The following SMIM14 variants were observed in gnomAD, a reference collection of about 807,000 sequenced individuals.
SMIM14 encodes chromosome 4 open reading frame 34.
Under a neutral mutation model 12.6 loss-of-function variants are expected in SMIM14, and 5 were observed. The observed-to-expected ratio is 0.40, with a 90% CI of 0.21 to 0.83. SMIM14 has a LOEUF of 0.83. Ranked by LOEUF, SMIM14 falls within the 40% of genes least tolerant of loss-of-function variation. The pLI is 0.37. For synonymous variants in SMIM14, 30 were observed against 40.1 expected (o/e 0.75, Z 0.95); for missense variants, 86 against 119.1 (o/e 0.72, Z 1.29).
chr4:39,616,223 C>T (rs948576320), intron 1 of SMIM14, among the ~76,000 whole-genome samples: 4 of 152,184 alleles, frequency 2.6e-5, no homozygotes, highest in African/African-American at 9.7e-5. Flanking sequence ...GCAACCTCCA[C>T]CTCCTGGGTT....
intron 3 of SMIM14, among the ~76,000 whole-genome samples, chr4:39,566,624 G>A (rs901749035): frequency 6.6e-6 from 1 of 151,724 alleles, no homozygotes; most frequent in Non-Finnish European, 1.5e-5. Flanking sequence ...CCTGAGGTCA[G>A]GAGTTCAAGA....
At chr4:39,556,376 A>G in intron 4 of SMIM14, 52 bp downstream of exon 4, 1 of 1,554,236 alleles carries the variant, frequency 6.4e-7, no homozygotes, top group East Asian at 2.3e-5. Flanking sequence ...TCCCTGCCCC[A>G]GGCCACATAC....
rs28707024 is a variant in SMIM14 at position 39,585,770 on chromosome 4, A to G, written c.76-13307T>C. On this transcript the variant is annotated intron_variant, in intron 2 of 4. Coordinates refer to ENST00000295958, the MANE Select transcript of SMIM14 (RefSeq NM_174921.3). ...AAGGCTCCAGGTAGCACCAACCCCA[A>G]GGCTTTGATGACCAAAAAGCTTTGG... Among the ~76,000 whole-genome samples, 699 of 152,118 alleles carry G rather than the reference A, an allele frequency of 4.6e-3. 12 individuals are homozygous for G. Among genetic ancestry groups the G allele is most frequent in the African/African-American group, 0.016 (664 of 41,430 alleles).
Position 39,574,085 on chromosome 4 carries a change from T to C in SMIM14, c.76-1622A>G, listed in dbSNP as rs188050218. Reference sequence around the variant, plus strand: ...ATGAGGGGCATATAACTTTCCAAGTTAGTCTTATTACTAACTACACCCTCT... The same window carrying C: ...ATGAGGGGCATATAACTTTCCAAGTCAGTCTTATTACTAACTACACCCTCT... On this transcript the variant is annotated intron_variant, in intron 2 of 4. Transcript: ENST00000295958. 1.3e-3 allele frequency among the ~76,000 whole-genome samples: 201 copies of C among 152,232 alleles called. 2 individuals carry two copies. Among genetic ancestry groups the C allele is most frequent in the Middle Eastern group, 6.8e-3 (2 of 294 alleles).
chr4:39,585,768 CA>C (rs893169626), intron 2 of SMIM14, among the ~76,000 whole-genome samples: 5 of 152,008 alleles, frequency 3.3e-5, no homozygotes, highest in African/African-American at 1.2e-4. Context: ...GCACCAACCC[CA>C]AGGCTTTGAT....
intron 3 of SMIM14, among the ~76,000 whole-genome samples, chr4:39,566,543 C>T (rs1047463935): frequency 4.1e-4 from 63 of 151,982 alleles, no homozygotes; most frequent in African/African-American, 1.5e-3. Context: ...AGCAGATAGC[C>T]GCAATGCAGC....
intron 4 of SMIM14, among the ~76,000 whole-genome samples, chr4:39,553,884 G>A (rs951348036): frequency 2.6e-5 from 4 of 152,080 alleles, no homozygotes; most frequent in Admixed American, 1.3e-4. Flanking sequence ...GAGAGCCACC[G>A]CGCCTGGTCT....
chr4:39,596,713 A>G (rs925423922), intron 2 of SMIM14, among the ~76,000 whole-genome samples: 8 of 152,194 alleles, frequency 5.3e-5, no homozygotes, highest in African/African-American at 1.9e-4. Context: ...ACAAGCCTAC[A>G]AAGTCTTCGT....
At chr4:39,569,574 G>GA (rs1427136807) in intron 3 of SMIM14, among the ~76,000 whole-genome samples, 1 of 151,950 alleles carries the variant, frequency 6.6e-6, no homozygotes, top group Non-Finnish European at 1.5e-5. Context: ...TTTTGACATA[G>GA]AAATTATTTT....
chr4:39,576,682 ATATTTTTTTTTTTTTTTTTT>A (rs1713207799), intron 2 of SMIM14, among the ~76,000 whole-genome samples: 4 of 31,018 alleles, frequency 1.3e-4, no homozygotes, highest in African/African-American at 6.2e-4. Flanking sequence ...ATATATATAT[ATATTTTTTTTTTTTTTTTTT>A]TTTTTTTTTT....
At chr4:39,623,427 G>T (rs1363725533) in intron 1 of SMIM14, among the ~76,000 whole-genome samples, 1 of 152,120 alleles carries the variant, frequency 6.6e-6, no homozygotes, top group Non-Finnish European at 1.5e-5. Flanking sequence ...AGAAGGCAGG[G>T]ATAACATTGG....
intron 2 of SMIM14, among the ~76,000 whole-genome samples, chr4:39,576,682 ATATTTTTTTTTTTTTTTTTTTTTTT>A (rs1560289777): frequency 4.2e-4 from 13 of 31,018 alleles, no homozygotes; most frequent in African/African-American, 1.7e-3. Flanking sequence ...ATATATATAT[ATATTTTTTTTTTTTTTTTTTTTTTT>A]TTTTTTTTTT....
At chr4:39,586,324 G>T (rs1189148307) in intron 2 of SMIM14, among the ~76,000 whole-genome samples, 1 of 151,778 alleles carries the variant, frequency 6.6e-6, no homozygotes, top group Admixed American at 6.6e-5. Context: ...ATTTTGCTTA[G>T]AAATCTCCTC....
chr4:39,573,673 C>A (rs542768337), intron 2 of SMIM14, among the ~76,000 whole-genome samples: 1 of 152,036 alleles, frequency 6.6e-6, no homozygotes, highest in Admixed American at 6.6e-5. Flanking sequence ...AGAGATTTTT[C>A]TTCTCATTGA....
In SMIM14 at chr4:39,619,616, AAATAT is replaced by A. The variant is rs1253111767; in HGVS notation, c.-35-14441_-35-14437del. Among the ~76,000 whole-genome samples the A allele has an allele frequency of 7.2e-4, 62 of 86,624 alleles. 1 individual carries two copies. Among genetic ancestry groups the A allele is most frequent in the African/African-American group, 3.9e-3 (62 of 15,888 alleles). The allele number at this position is 86,624 out of a possible 152,430, so 56.8% of individuals were successfully genotyped here. On this transcript the variant is annotated intron_variant, in intron 1 of 4. Coordinates refer to ENST00000295958, the MANE Select transcript of SMIM14 (RefSeq NM_174921.3). ...AATATAATTTATTCTATATATCAAT[AAATAT>A]AATTTATTCTATATATCAATAAATA...
At chr4:39,631,169 TA>T (rs1715881399) in intron 1 of SMIM14, among the ~76,000 whole-genome samples, 1 of 151,332 alleles carries the variant, frequency 6.6e-6, no homozygotes, top group African/African-American at 2.4e-5. Context: ...CCGTCCCTAT[TA>T]AAAATACAAA....
intron 2 of SMIM14, among the ~76,000 whole-genome samples, chr4:39,595,913 C>T (rs1714340962): frequency 6.6e-6 from 1 of 152,004 alleles, no homozygotes; most frequent in Middle Eastern, 3.4e-3. Context: ...CCATGCCAGG[C>T]CTGTAATTAC....
chr4:39,574,237 C>CTTTTTTTTTT (rs11338888), intron 2 of SMIM14, among the ~76,000 whole-genome samples: 236 of 126,670 alleles, frequency 1.9e-3, no homozygotes, highest in Non-Finnish European at 2.9e-3. Flanking sequence ...CTGCAACTTT[C>CTTTTTTTTTT]TTTTTTTTTT....
intron 1 of SMIM14, among the ~76,000 whole-genome samples, chr4:39,610,507 T>C (rs1318332918): frequency 1.3e-5 from 2 of 151,890 alleles, no homozygotes; most frequent in Non-Finnish European, 2.9e-5. Context: ...CTGAGCAATA[T>C]AGCAAGACCC....
Sources: gnomAD v4.1 joint callset for allele counts (sites outside exome capture counted in the v4.1 genomes callset) on GRCh38, gnomAD v4.1.1 for gene constraint, MANE v1.5 for transcripts, NCBI Gene and HGNC (gene_info 2026-07-23, HGNC 2026-07-21) for gene names.